Variants in HAT1 observed in about 807,000 individuals in gnomAD.
HAT1 encodes histone acetyltransferase type B catalytic subunit.
Under a neutral mutation model 56.6 loss-of-function variants are expected in HAT1, and 20 were observed. The ratio of observed to expected loss-of-function variants is 0.35; its 90% CI spans 0.25 to 0.51. HAT1 has a LOEUF of 0.51. HAT1 is among the 20% of genes least tolerant of loss of function. The pLI is 0.95. For synonymous variants in HAT1, 146 were observed against 165.5 expected (o/e 0.88, Z 0.91); for missense variants, 408 against 504.3 (o/e 0.81, Z 1.83).
Position 171,983,609 on chromosome 2 carries a change from A to G in HAT1, c.*257A>G, listed in dbSNP as rs922745212. On this transcript the variant is annotated 3_prime_UTR_variant, in exon 11 of 11. Transcript: ENST00000264108. ...GCTTCCCTTCTTAAACAGTATAATA[A>G]ATGCTTAGTTGTGATATGTTAATGT... The G allele has an allele frequency of 3.6e-6, 1 of 281,344 alleles. No homozygotes were observed. Among genetic ancestry groups the G allele is most frequent in the Non-Finnish European group, 6.6e-6 (1 of 152,070 alleles). 17.4% of individuals were successfully genotyped at this position (281,344 alleles called of 1,614,324 possible). A position where few individuals can be genotyped will look rare whatever the true frequency, so the allele number is the denominator to read the frequency against.
At chr2:171,942,630 T>C (rs548518242) in intron 2 of HAT1, among the ~76,000 whole-genome samples, 2 of 152,306 alleles carry the variant, frequency 1.3e-5, no homozygotes, top group Non-Finnish European at 2.9e-5. Flanking sequence ...TTATAAAGAC[T>C]TGAAAATATT....
intron 8 of HAT1, among the ~76,000 whole-genome samples, chr2:171,974,195 A>AG (rs1558979658): frequency 1.8e-5 from 1 of 57,090 alleles, no homozygotes; most frequent in Non-Finnish European, 3.9e-5. Flanking sequence ...AAAAAAAAGA[A>AG]AAAAAGAAAA....
At chr2:171,965,606 C>G in intron 5 of HAT1, 89 bp downstream of exon 5, 1 of 999,176 alleles carries the variant, frequency 1.0e-6, no homozygotes, top group Non-Finnish European at 1.5e-6. Flanking sequence ...ATTCTAACTG[C>G]AGTAAACAAG....
At chr2:171,954,747 G>A (rs1244550317) in intron 4 of HAT1, among the ~76,000 whole-genome samples, 1 of 152,200 alleles carries the variant, frequency 6.6e-6, no homozygotes, top group Non-Finnish European at 1.5e-5. Flanking sequence ...CCCCCCAAAA[G>A]ATATCCATGT....
intron 9 of HAT1, among the ~76,000 whole-genome samples, chr2:171,977,551 ATATATATTTTTTTTTT>A (rs1344208791): frequency 7.4e-5 from 1 of 13,428 alleles, no homozygotes; most frequent in African/African-American, 3.0e-4. Flanking sequence ...ATATATATAT[ATATATATTTTTTTTTT>A]TTTTTTTTTT....
chr2:171,967,845 T>TA (rs1342699115), intron 8 of HAT1, among the ~76,000 whole-genome samples: 1 of 151,992 alleles, frequency 6.6e-6, no homozygotes, highest in Non-Finnish European at 1.5e-5. Context: ...ATTAACATGT[T>TA]AAAAAATGCT....
intron 8 of HAT1, among the ~76,000 whole-genome samples, chr2:171,974,043 G>A (rs567506206): frequency 6.6e-6 from 1 of 151,938 alleles, no homozygotes; most frequent in East Asian, 1.9e-4. Flanking sequence ...GCCAGGCATG[G>A]TGGCAAGCAC....
chr2:171,957,875 T>C (rs1687484923), intron 4 of HAT1, among the ~76,000 whole-genome samples: 1 of 152,224 alleles, frequency 6.6e-6, no homozygotes. Context: ...ATATCTGATA[T>C]ACTGTTGGTA....
At chr2:171,937,287 A>G (rs562319289) in intron 2 of HAT1, among the ~76,000 whole-genome samples, 33 of 152,300 alleles carry the variant, frequency 2.2e-4, no homozygotes, top group African/African-American at 7.7e-4. Context: ...ATCTTCTTTC[A>G]TGCATCTTGC....
At chr2:171,946,614 C>G (rs1425659882) in intron 2 of HAT1, 94 bp from the exon 3 acceptor site, 1 of 743,492 alleles carries the variant, frequency 1.3e-6, no homozygotes, top group Admixed American at 2.4e-5. Flanking sequence ...TGGCTGTATC[C>G]TAGTTATACT....
chr2:171,926,950 G>A (rs779022344), intron 2 of HAT1, among the ~76,000 whole-genome samples: 3 of 152,118 alleles, frequency 2.0e-5, no homozygotes, highest in South Asian at 2.1e-4. Context: ...GCTATACCAC[G>A]GAATACTATT....
chr2:171,964,640 T>C (rs1687644296), intron 4 of HAT1, among the ~76,000 whole-genome samples: 1 of 152,154 alleles, frequency 6.6e-6, no homozygotes, highest in Non-Finnish European at 1.5e-5. Context: ...AAAAGGATTA[T>C]GAAGTCTGCT....
intron 2 of HAT1, among the ~76,000 whole-genome samples, chr2:171,934,930 A>G (rs1277732798): frequency 1.3e-5 from 2 of 151,368 alleles, no homozygotes; most frequent in Admixed American, 6.6e-5. Context: ...TAATTTTTGT[A>G]TTTTTAGTAG....
At chr2:171,931,976 T>C (rs1165903609) in intron 2 of HAT1, among the ~76,000 whole-genome samples, 1 of 152,234 alleles carries the variant, frequency 6.6e-6, no homozygotes, top group Non-Finnish European at 1.5e-5. Context: ...TATGTGCCCT[T>C]TATCAGGTTG....
chr2:171,960,539 C>G (rs1361413421), intron 4 of HAT1, among the ~76,000 whole-genome samples: 2 of 152,054 alleles, frequency 1.3e-5, no homozygotes, highest in East Asian at 3.8e-4. Context: ...TTTAATCATC[C>G]ATTCTTTTAC....
At chr2:171,938,652 G>A (rs2105311311) in intron 2 of HAT1, among the ~76,000 whole-genome samples, 1 of 152,316 alleles carries the variant, frequency 6.6e-6, no homozygotes, top group East Asian at 1.9e-4. Context: ...GTTGAGAATG[G>A]AAGCAGGCTT....
chr2:171,976,412 G>T, intron 9 of HAT1, 104 bp downstream of exon 9: 1 of 549,752 alleles, frequency 1.8e-6, no homozygotes, highest in Admixed American at 4.2e-5. Context: ...TACATGTGTG[G>T]GAACTAGCAA....
At chr2:171,952,306 G>A (rs975251046) in intron 3 of HAT1, among the ~76,000 whole-genome samples, 2 of 152,166 alleles carry the variant, frequency 1.3e-5, no homozygotes, top group African/African-American at 4.8e-5. Context: ...CTTTTAAGCT[G>A]GAAAAAGGAA....
intron 2 of HAT1, among the ~76,000 whole-genome samples, chr2:171,939,787 C>G (rs1220057974): frequency 4.0e-5 from 6 of 151,720 alleles, no homozygotes; most frequent in Admixed American, 3.3e-4. Flanking sequence ...GGAAACAACT[C>G]CTTTTTTTCT....
Sources: gnomAD v4.1 joint callset for allele counts (sites outside exome capture counted in the v4.1 genomes callset) on GRCh38, gnomAD v4.1.1 for gene constraint, MANE v1.5 for transcripts, NCBI Gene and HGNC (gene_info 2026-07-23, HGNC 2026-07-21) for gene names.